Variants in C6orf62 observed in about 807,000 individuals in gnomAD.
C6orf62 encodes the protein uncharacterized protein C6orf62.
C6orf62 carries 16 observed loss-of-function variants against 26.8 expected under a neutral mutation model. The observed-to-expected ratio is 0.60, with a 90% CI of 0.40 to 0.91. The LOEUF is 0.91. Ranked by LOEUF, C6orf62 falls within the 40% of genes least tolerant of loss-of-function variation. C6orf62 has a pLI of 0.00. For synonymous variants in C6orf62, 112 were observed against 91.5 expected, an observed-to-expected ratio of 1.22 and a Z score of -1.28; for missense variants, 192 against 271.4, an observed-to-expected ratio of 0.71 and a Z score of 2.06.
chr6:24,720,266 GC>G, upstream of C6orf62: 2 of 1,297,040 alleles, frequency 1.5e-6, no homozygotes, highest in Non-Finnish European at 1.9e-6. Context: ...TGCGGGCGGA[GC>G]GGTGGCGGCG....
intron 3 of C6orf62, among the ~76,000 whole-genome samples, chr6:24,712,924 T>A (rs541886713): frequency 6.6e-6 from 1 of 152,242 alleles, no homozygotes; most frequent in South Asian, 2.1e-4. Flanking sequence ...TAACACCACC[T>A]CCAGAGAGCA....
At chr6:24,709,234 TCCA>T (rs895895775) in intron 3 of C6orf62, 1 of 985,074 alleles carries the variant, frequency 1.0e-6, no homozygotes, top group Non-Finnish European at 1.2e-6. Context: ...GACAGTACAC[TCCA>T]CAACAGCAGT....
chr6:24,720,297 CGGG>C (rs1779330539), upstream of C6orf62: 5 of 1,285,042 alleles, frequency 3.9e-6, no homozygotes, highest in East Asian at 1.7e-4. Context: ...GCGGCGGCGG[CGGG>C]GGCGCTGCTG....
At position 24,718,948 on chromosome 6, in the gene C6orf62, AG is replaced by A; in HGVS notation, c.-281del. 1 of 1,219,452 alleles carries A rather than the reference AG, an allele frequency of 8.2e-7. No homozygotes were observed. The highest frequency in any genetic ancestry group is 1.0e-6 in the Non-Finnish European group (1 of 975,440). The allele number at this position is 1,219,452 out of a possible 1,614,324, so 75.5% of individuals were successfully genotyped here. On this transcript the variant is annotated 5_prime_UTR_variant, in exon 1 of 5. Transcript: ENST00000378119. ...GGAGGAAAGAAAGGAAAGAAAGAGG[AG>A]AAAATAACTAACTTTCTGGAAAACA...
chr6:24,713,654 T>C (rs1030360298), intron 3 of C6orf62, among the ~76,000 whole-genome samples: 3 of 152,140 alleles, frequency 2.0e-5, no homozygotes, highest in Non-Finnish European at 4.4e-5. Context: ...AATGTAAATA[T>C]ATATATTAAA....
upstream of C6orf62, chr6:24,720,001 C>T (rs969636923): frequency 1.3e-6 from 2 of 1,527,486 alleles, no homozygotes; most frequent in East Asian, 2.5e-5. Flanking sequence ...GTTAATATTA[C>T]TTCTAAAGTA....
chr6:24,709,913 T>TA (rs1306662828), intron 3 of C6orf62: 4 of 985,468 alleles, frequency 4.1e-6, no homozygotes, highest in African/African-American at 3.5e-5. Context: ...TTATTGCCGT[T>TA]ACGTCAAAAA....
intron 3 of C6orf62, 177 bp from the exon 4 acceptor site, chr6:24,709,088 AAAAGCAATTTAC>A (rs1779070895): frequency 1.0e-6 from 1 of 985,072 alleles, no homozygotes; most frequent in African/African-American, 1.7e-5. Context: ...AATTTAGATT[AAAAGCAATTTAC>A]AATTCCATTC....
intron 3 of C6orf62, among the ~76,000 whole-genome samples, chr6:24,713,115 T>G (rs566047855): frequency 1.3e-5 from 2 of 152,338 alleles, no homozygotes; most frequent in South Asian, 4.1e-4. Context: ...ACACGTATTT[T>G]AAATCAAAAA....
chr6:24,720,422 C>A (rs1476914138), upstream of C6orf62: 3 of 1,128,494 alleles, frequency 2.7e-6, no homozygotes, highest in Non-Finnish European at 3.3e-6. Flanking sequence ...CGCCGCTCAG[C>A]CCCCACCTGG....
chr6:24,719,995 A>T, upstream of C6orf62: 1 of 1,536,572 alleles, frequency 6.5e-7, no homozygotes, highest in Non-Finnish European at 8.8e-7. Context: ...AATTGTGTTA[A>T]TATTACTTCT....
chr6:24,716,214 A>G lies in C6orf62; in HGVS notation c.240T>C (p.Ser80=). ...CATCCTTCTGTAAAAGCTCTAGGGA[A>G]CTTTCCAAGGAATAGCTGGAATCTC... ...GVRDSSYSLE[S]SLELLQKDVV... The change falls in exon 2 of 5, where the codon AGT becomes AGC. Residue 80 remains serine (S), a synonymous_variant. Coordinates refer to ENST00000378119, the MANE Select transcript of C6orf62 (RefSeq NM_030939.5). 6.2e-7 allele frequency: 1 copy of G among 1,613,792 alleles called. No individual in the cohort carries two copies. The highest frequency in any genetic ancestry group is 8.5e-7 in the Non-Finnish European group (1 of 1,179,670).
rs2127631106 is a variant in C6orf62 at position 24,705,095 on chromosome 6, G to T, written c.*1042C>A. On this transcript the variant is annotated 3_prime_UTR_variant, in exon 5 of 5. Coordinates refer to ENST00000378119, the MANE Select transcript of C6orf62 (RefSeq NM_030939.5). ...GGAGAAAAAAAAAAAAACCTATACA[G>T]TAGTCTTTCCTTATGTTCATTGCAC... 2 of 151,064 alleles carry T rather than the reference G, an allele frequency of 1.3e-5. No homozygotes were observed. Among genetic ancestry groups the T allele is most frequent in the East Asian group, 1.9e-4 (1 of 5,150 alleles). 9.4% of individuals were successfully genotyped at this position (151,064 alleles called of 1,614,324 possible). A position where few individuals can be genotyped will look rare whatever the true frequency, so the allele number is the denominator to read the frequency against.
chr6:24,709,248 T>TG (rs1371709140), intron 3 of C6orf62: 33 of 985,302 alleles, frequency 3.3e-5, no homozygotes, highest in Non-Finnish European at 3.9e-5. Context: ...CAACAGCAGT[T>TG]GATCAGGAAA....
chr6:24,710,598 GA>G (rs10718318), intron 3 of C6orf62: 247,442 of 768,024 alleles, frequency 0.32, 19,723 homozygotes, highest in African/African-American at 0.35. Context: ...CACTATAGGA[GA>G]AAAAAAAAAA....
In C6orf62 at chr6:24,706,004, C is replaced by T; in HGVS notation, c.*133G>A. 1 of 1,282,522 alleles carries T rather than the reference C, an allele frequency of 7.8e-7. No homozygotes were observed. The highest frequency in any genetic ancestry group is 1.0e-6 in the Non-Finnish European group (1 of 973,700). 79.4% of individuals were successfully genotyped at this position (1,282,522 alleles called of 1,614,324 possible). A position where few individuals can be genotyped will look rare whatever the true frequency, so the allele number is the denominator to read the frequency against. ...ATGATTTAAAAAAATCCAGGATGAA[C>T]AAGTTTCAAAATGCATAGTGTTCTG... is the stretch of plus-strand genomic sequence containing the variant. On this transcript the variant is annotated 3_prime_UTR_variant, in exon 5 of 5. Coordinates refer to ENST00000378119, the MANE Select transcript of C6orf62 (RefSeq NM_030939.5).
Position 24,705,274 on chromosome 6 carries a change from A to C in C6orf62, c.*863T>G, listed in dbSNP as rs931358105. On this transcript the variant is annotated 3_prime_UTR_variant, in exon 5 of 5. Coordinates refer to ENST00000378119, the MANE Select transcript of C6orf62 (RefSeq NM_030939.5). ...CAGCATTTCTGCACAATTCACTGGA[A>C]TTTTTTTCTTTGTAATAAAAATCTC... The C allele has an allele frequency of 5.2e-5, 8 of 152,558 alleles. No homozygotes were observed. The highest frequency in any genetic ancestry group is 1.7e-4 in the African/African-American group (7 of 41,420). 9.5% of individuals were successfully genotyped at this position (152,558 alleles called of 1,614,324 possible).
intron 4 of C6orf62, among the ~76,000 whole-genome samples, chr6:24,707,312 A>G (rs1175411874): frequency 2.0e-5 from 3 of 151,970 alleles, no homozygotes; most frequent in Non-Finnish European, 4.4e-5. Context: ...ACTAAATTGC[A>G]ATACTTGGAT....
intron 4 of C6orf62, chr6:24,707,245 T>C (rs1198544017): frequency 9.9e-5 from 15 of 152,188 alleles, no homozygotes; most frequent in Admixed American, 9.8e-4. Context: ...AGAAGCAACA[T>C]GCTCACAGCA....
Sources: gnomAD v4.1 joint callset for allele counts (sites outside exome capture counted in the v4.1 genomes callset) on GRCh38, gnomAD v4.1.1 for gene constraint, MANE v1.5 for transcripts, NCBI Gene and HGNC (gene_info 2026-07-23, HGNC 2026-07-21) for gene names.